The following AUTS2 variants were observed in gnomAD, a reference collection of about 807,000 sequenced individuals.
AUTS2 encodes activator of transcription and developmental regulator AUTS2, also known as autism susceptibility gene 2 protein.
Under a neutral mutation model 112.4 loss-of-function variants are expected in AUTS2, and 17 were observed. The ratio of observed to expected loss-of-function variants is 0.15; its 90% CI spans 0.10 to 0.23. The LOEUF (loss-of-function observed/expected upper bound fraction) is 0.23, where lower values mean the gene tolerates loss of function less well. AUTS2 is among the 10% of genes least tolerant of loss of function. The pLI is 1.00. For synonymous variants in AUTS2, 751 were observed against 702.7 expected (o/e 1.07, Z -1.09); for missense variants, 1,510 against 1,701.6 (o/e 0.89, Z 1.98).
intron 15 of AUTS2, chr7:70,784,270 G>A (rs1252023520): frequency 1.3e-5 from 2 of 152,050 alleles, no homozygotes; most frequent in African/African-American, 4.8e-5. Context: ...CTTCGATGTG[G>A]GTGCATGCGA....
At chr7:70,146,505 T>A (rs970180785) in intron 4 of AUTS2, among the ~76,000 whole-genome samples, 24 of 152,286 alleles carry the variant, frequency 1.6e-4, no homozygotes, top group African/African-American at 5.3e-4. Context: ...ATGCTTATTC[T>A]TGGTTCATTT....
intron 2 of AUTS2, among the ~76,000 whole-genome samples, chr7:70,045,804 T>TTTTG: frequency 6.7e-6 from 1 of 149,406 alleles, no homozygotes; most frequent in South Asian, 2.1e-4. Context: ...TTTTTTTTTT[T>TTTTG]TTAAGTAGAG....
intron 2 of AUTS2, among the ~76,000 whole-genome samples, chr7:69,959,962 C>T (rs1323723259): frequency 1.3e-5 from 2 of 151,996 alleles, no homozygotes; most frequent in Non-Finnish European, 2.9e-5. Context: ...TCAGGTCTGC[C>T]ACAGCTCTAG....
chr7:69,692,446 A>C (rs533389463), intron 1 of AUTS2, among the ~76,000 whole-genome samples: 1 of 152,326 alleles, frequency 6.6e-6, no homozygotes, highest in Admixed American at 6.5e-5. Flanking sequence ...GGAGAAATGG[A>C]TGAATATGAG....
intron 4 of AUTS2, among the ~76,000 whole-genome samples, chr7:70,239,700 G>A (rs1812508848): frequency 6.6e-6 from 1 of 152,120 alleles, no homozygotes; most frequent in African/African-American, 2.4e-5. Flanking sequence ...CTCCCAAAGT[G>A]TTGGGATTAC....
chr7:69,665,052 G>A (rs970487431), intron 1 of AUTS2, among the ~76,000 whole-genome samples: 1 of 152,142 alleles, frequency 6.6e-6, no homozygotes, highest in African/African-American at 2.4e-5. Flanking sequence ...ATCCCATTTT[G>A]CAAATGGTAA....
At chr7:70,657,656 C>A (rs1250848194) in intron 5 of AUTS2, among the ~76,000 whole-genome samples, 1 of 152,176 alleles carries the variant, frequency 6.6e-6, no homozygotes, top group African/African-American at 2.4e-5. Context: ...GCTATTTTTT[C>A]CCCTAGCGTC....
chr7:69,917,017 T>C (rs967010421), intron 2 of AUTS2, among the ~76,000 whole-genome samples: 3 of 152,320 alleles, frequency 2.0e-5, no homozygotes, highest in African/African-American at 7.2e-5. Context: ...CACATTTTTT[T>C]GTTTTGTTTT....
At chr7:70,771,265 T>C in intron 10 of AUTS2, 1 of 228,916 alleles carries the variant, frequency 4.4e-6, no homozygotes, top group Non-Finnish European at 8.5e-6. Flanking sequence ...ATTTAGGACT[T>C]CTATCTGATT....
chr7:70,169,250 A>ATT (rs985989653), intron 4 of AUTS2, among the ~76,000 whole-genome samples: 5 of 151,564 alleles, frequency 3.3e-5, no homozygotes, highest in Non-Finnish European at 7.4e-5. Context: ...ATATATATAT[A>ATT]TTTTTTTTGA....
intron 2 of AUTS2, among the ~76,000 whole-genome samples, chr7:70,082,516 A>G (rs994927935): frequency 5.3e-5 from 8 of 152,220 alleles, no homozygotes; most frequent in Non-Finnish European, 7.3e-5. Context: ...AAAGGACTAA[A>G]ATTGTTCCAA....
intron 1 of AUTS2, among the ~76,000 whole-genome samples, chr7:69,639,635 T>C (rs895122362): frequency 7.9e-5 from 12 of 152,238 alleles, no homozygotes; most frequent in African/African-American, 2.9e-4. Flanking sequence ...TTTGTTAGCT[T>C]GAAACCTGTT....
chr7:70,276,958 A>G (rs904821095), intron 4 of AUTS2, among the ~76,000 whole-genome samples: 1 of 152,180 alleles, frequency 6.6e-6, no homozygotes, highest in African/African-American at 2.4e-5. Flanking sequence ...GGGGAAGGGG[A>G]TGTAAAATGG....
chr7:70,623,713 GACCAGAGAAGGTC>G (rs1804792732), intron 5 of AUTS2, among the ~76,000 whole-genome samples: 2 of 152,162 alleles, frequency 1.3e-5, no homozygotes, highest in Admixed American at 6.5e-5. Flanking sequence ...ATACACCAGA[GACCAGAGAAGGTC>G]ACCATGTGGA....
intron 5 of AUTS2, among the ~76,000 whole-genome samples, chr7:70,591,086 T>C (rs1007475457): frequency 3.9e-5 from 6 of 152,190 alleles, no homozygotes; most frequent in Non-Finnish European, 5.9e-5. Flanking sequence ...GTTCCAGTCC[T>C]GGCCTGCCTT....
intron 5 of AUTS2, among the ~76,000 whole-genome samples, chr7:70,600,572 G>A (rs143666832): frequency 5.3e-5 from 8 of 152,258 alleles, no homozygotes; most frequent in South Asian, 2.1e-4. Context: ...CACCGCGCCC[G>A]GCCCAATTCA....
At chr7:70,406,295 G>T (rs1397737860) in intron 4 of AUTS2, among the ~76,000 whole-genome samples, 2 of 152,118 alleles carry the variant, frequency 1.3e-5, no homozygotes, top group Non-Finnish European at 2.9e-5. Context: ...GGGACAGAAT[G>T]CCTCATTGGT....
At chr7:70,590,939 G>T (rs1802913533) in intron 5 of AUTS2, among the ~76,000 whole-genome samples, 1 of 152,132 alleles carries the variant, frequency 6.6e-6, no homozygotes, top group Non-Finnish European at 1.5e-5. Flanking sequence ...TAAGCAGAGT[G>T]CCCACTACAT....
At chr7:70,789,103 C>G (rs889722948) in intron 18 of AUTS2, among the ~76,000 whole-genome samples, 1 of 152,192 alleles carries the variant, frequency 6.6e-6, no homozygotes, top group Non-Finnish European at 1.5e-5. Flanking sequence ...GCTTTCTTAT[C>G]CCATCTGGTG....
Sources: gnomAD v4.1 joint callset for allele counts (sites outside exome capture counted in the v4.1 genomes callset) on GRCh38, gnomAD v4.1.1 for gene constraint, MANE v1.5 for transcripts, NCBI Gene and HGNC (gene_info 2026-07-23, HGNC 2026-07-21) for gene names.